LARS1: variants seen among roughly 807,000 people sequenced by gnomAD.
LARS1 encodes the protein leucyl-tRNA synthetase 1, also known as leucine--tRNA ligase, cytoplasmic.
A neutral mutation model predicts 162.8 loss-of-function variants in LARS1; 100 were observed. The ratio of observed to expected loss-of-function variants is 0.61; its 90% CI spans 0.52 to 0.73. The LOEUF (loss-of-function observed/expected upper bound fraction) is 0.73, where lower values mean the gene tolerates loss of function less well. LARS1 is among the 30% of genes least tolerant of loss of function. LARS1 has a pLI of 0.00. For missense variants in LARS1, 1,258 were observed against 1,408.9 expected, an observed-to-expected ratio of 0.89 and a Z score of 1.71; for synonymous variants, 457 against 462.8, an observed-to-expected ratio of 0.99 and a Z score of 0.16.
At position 146,179,551 on chromosome 5, in the gene LARS1, C is replaced by A; in HGVS notation, c.7-1886G>T. 4.5e-5 allele frequency: 10 copies of A among 222,772 alleles called. 1 individual carries two copies. The highest frequency in any genetic ancestry group is 4.0e-4 in the South Asian group (10 of 25,056). The allele number at this position is 222,772 out of a possible 1,614,324, so 13.8% of individuals were successfully genotyped here. ...AGGGCCTCATGAAGCCTAGTCATAT[C>A]TCCTACCCTACGGTCATGGGTAATA... On this transcript the variant is annotated intron_variant, in intron 1 of 31. Coordinates refer to ENST00000394434, the MANE Select transcript of LARS1 (RefSeq NM_020117.11).
At chr5:146,154,575 C>T (rs569333304) in intron 10 of LARS1, among the ~76,000 whole-genome samples, 1 of 152,166 alleles carries the variant, frequency 6.6e-6, no homozygotes, top group Admixed American at 6.5e-5. Flanking sequence ...CTTAGGAGTT[C>T]GCGACCAGCC....
chr5:146,180,177 G>A (rs1409246860), intron 1 of LARS1, among the ~76,000 whole-genome samples: 1 of 152,212 alleles, frequency 6.6e-6, no homozygotes, highest in Non-Finnish European at 1.5e-5. Flanking sequence ...GCTGGCTGCA[G>A]TGAGCTATGA....
Position 146,132,907 on chromosome 5 carries a change from A to C in LARS1, c.2387T>G (p.Val796Gly). Residue 796 changes from valine (V) to glycine (G), a missense_variant, in exon 23 of 32, where the codon GTT (valine) becomes GGT (glycine). Val to Gly is a moderately radical substitution (Grantham distance 109). Transcript: ENST00000394434. ...GGGATCTACAGATTACCTGGCAAAA[A>C]CTCTATCATTGAAAGTGCTGGCAGG... is the stretch of plus-strand genomic sequence containing the variant. ...SGPASTFNDR[V>G]FASELNAGII... is the part of the protein sequence containing the mutation. The C allele has an allele frequency of 1.2e-6, 2 of 1,612,944 alleles. No homozygotes were observed. Among genetic ancestry groups the C allele is most frequent in the Non-Finnish European group, 8.5e-7 (1 of 1,179,276 alleles).
At chr5:146,143,199 G>T in intron 19 of LARS1, 115 bp from the exon 20 acceptor site, 2 of 800,302 alleles carry the variant, frequency 2.5e-6, no homozygotes, top group Non-Finnish European at 3.6e-6. Context: ...GTAGTTACAG[G>T]AACAAATAAG....
At chr5:146,140,980 A>T (rs1393181952) in intron 20 of LARS1, among the ~76,000 whole-genome samples, 1 of 152,226 alleles carries the variant, frequency 6.6e-6, no homozygotes, top group Non-Finnish European at 1.5e-5. Flanking sequence ...ACAAATAGAG[A>T]TATCAGATGC....
Position 146,177,678 on chromosome 5 carries a change from AAG to A in LARS1, c.7-15_7-14del, listed in dbSNP as rs1348616716. 7.2e-6 allele frequency: 10 copies of A among 1,387,812 alleles called. No homozygotes were observed. The highest frequency in any genetic ancestry group is 9.1e-6 in the Non-Finnish European group (9 of 984,016). 86.0% of individuals were successfully genotyped at this position (1,387,812 alleles called of 1,614,324 possible). A position where few individuals can be genotyped will look rare whatever the true frequency, so the allele number is the denominator to read the frequency against. On this transcript the variant is annotated splice_polypyrimidine_tract_variant and intron_variant, in intron 1 of 31. Transcript: ENST00000394434. ...TTCCTTTTCTTTCCTATTGGACACA[AAG>A]AGAATAATCCACTCTGTATTTCAGC...
rs1407641145 is a variant in LARS1, at chr5:146,167,601, T to G, written c.432+527A>C. ...TGTAGAGATGGGGTTTCACCATGTT[T>G]GCCAGGATGGTCTCGATCTCCTGAC... On this transcript the variant is annotated intron_variant, in intron 5 of 31. Coordinates refer to ENST00000394434, the MANE Select transcript of LARS1 (RefSeq NM_020117.11). Among the ~76,000 whole-genome samples the G allele has an allele frequency of 3.3e-5, 5 of 150,408 alleles. No homozygotes were observed. The East Asian group carries it at 5.9e-4, about 18-fold the overall frequency.
chr5:146,182,373 A>T, intron 1 of LARS1, 115 bp downstream of exon 1: 2 of 1,389,582 alleles, frequency 1.4e-6, no homozygotes, highest in Non-Finnish European at 2.0e-6. Flanking sequence ...GGCACGCCTT[A>T]AGCGTGGCTC....
intron 4 of LARS1, among the ~76,000 whole-genome samples, chr5:146,169,014 T>G: frequency 6.6e-6 from 1 of 151,818 alleles, no homozygotes; most frequent in Non-Finnish European, 1.5e-5. Flanking sequence ...TGTATACACA[T>G]GTAACAAAGC....
At chr5:146,124,355 A>G (rs1259284116) in intron 28 of LARS1, among the ~76,000 whole-genome samples, 1 of 151,896 alleles carries the variant, frequency 6.6e-6, no homozygotes, top group Non-Finnish European at 1.5e-5. Context: ...TTATAAAATA[A>G]ATACGGTTTT....
At chr5:146,141,731 G>A (rs2126475328) in intron 20 of LARS1, among the ~76,000 whole-genome samples, 1 of 152,290 alleles carries the variant, frequency 6.6e-6, no homozygotes, top group East Asian at 1.9e-4. Context: ...GCGAAGTTGA[G>A]ACTGCAGTGA....
In LARS1 at chr5:146,167,616, G is replaced by C. The variant is rs540668577; in HGVS notation, c.432+512C>G. Among the ~76,000 whole-genome samples the C allele has an allele frequency of 3.5e-3, 534 of 151,904 alleles. 2 individuals are homozygous for C. The highest frequency in any genetic ancestry group is 0.013 in the African/African-American group (519 of 41,426). ...TCACCATGTTTGCCAGGATGGTCTCGATCTCCTGACCTCGTGATCCGCCCG... is the reference window on the plus strand; with the variant it reads ...TCACCATGTTTGCCAGGATGGTCTCCATCTCCTGACCTCGTGATCCGCCCG... On this transcript the variant is annotated intron_variant, in intron 5 of 31. Coordinates refer to ENST00000394434, the MANE Select transcript of LARS1 (RefSeq NM_020117.11).
chr5:146,139,800 AG>A (rs1752684675), intron 21 of LARS1: 1 of 111,448 alleles, frequency 9.0e-6, no homozygotes, highest in Admixed American at 1.2e-4. Flanking sequence ...GCGTGAACCC[AG>A]GGGGCGGAGC....
At chr5:146,152,996 A>G (rs1015464535) in intron 13 of LARS1, among the ~76,000 whole-genome samples, 178 bp downstream of exon 13, 1 of 152,214 alleles carries the variant, frequency 6.6e-6, no homozygotes, top group African/African-American at 2.4e-5. Flanking sequence ...AATGCTTGTT[A>G]GTTTTCCTTT....
chr5:146,180,111 T>A lies in LARS1; in HGVS notation c.6+2377A>T, dbSNP rs140273143. 3.9e-5 allele frequency among the ~76,000 whole-genome samples: 6 copies of A among 152,290 alleles called. No homozygotes were observed. In the East Asian group the frequency reaches 1.2e-3, roughly 29 times the overall value. On this transcript the variant is annotated intron_variant, in intron 1 of 31. Coordinates refer to ENST00000394434, the MANE Select transcript of LARS1 (RefSeq NM_020117.11). ...AATATCTTTTACCTAAAAATTACCA[T>A]GAGCAGGACATGGGAACACTGAGGC...
At chr5:146,125,364 T>G (rs1225429922) in intron 28 of LARS1, among the ~76,000 whole-genome samples, 1 of 152,016 alleles carries the variant, frequency 6.6e-6, no homozygotes, top group Non-Finnish European at 1.5e-5. Context: ...TCTATTATAA[T>G]ATTGAAGAAG....
chr5:146,153,858 A>T, intron 11 of LARS1, 35 bp downstream of exon 11: 1 of 1,607,988 alleles, frequency 6.2e-7, no homozygotes, highest in South Asian at 1.1e-5. Context: ...AAATGTGTTT[A>T]TCAAAATATT....
chr5:146,166,302 A>G (rs1753999768), intron 5 of LARS1, among the ~76,000 whole-genome samples: 1 of 152,196 alleles, frequency 6.6e-6, no homozygotes, highest in Non-Finnish European at 1.5e-5. Context: ...CAAGCTAAAA[A>G]AACTCCCAAT....
intron 10 of LARS1, among the ~76,000 whole-genome samples, chr5:146,156,432 G>A (rs987252065): frequency 1.3e-5 from 2 of 152,132 alleles, no homozygotes; most frequent in African/African-American, 4.8e-5. Context: ...AGTGGCTTAC[G>A]CCTGTAATCC....
Sources: allele counts gnomAD v4.1 joint callset (sites outside exome capture counted in the v4.1 genomes callset), GRCh38; gene constraint gnomAD v4.1.1; transcripts MANE v1.5; gene names NCBI Gene and HGNC (gene_info 2026-07-23, HGNC 2026-07-21).